The following RABGAP1L variants were observed in gnomAD, a reference collection of about 807,000 sequenced individuals.
RABGAP1L encodes rab GTPase-activating protein 1-like.
Under a neutral mutation model 137.7 loss-of-function variants are expected in RABGAP1L, and 63 were observed. The ratio of observed to expected loss-of-function variants is 0.46; its 90% CI spans 0.37 to 0.56. The LOEUF (loss-of-function observed/expected upper bound fraction) is 0.56, where lower values mean the gene tolerates loss of function less well. RABGAP1L is among the 20% of genes least tolerant of loss of function. RABGAP1L has a pLI of 0.00. For missense variants in RABGAP1L, 1,095 were observed against 1,244.0 expected, an observed-to-expected ratio of 0.88 and a Z score of 1.80; for synonymous variants, 431 against 433.7, an observed-to-expected ratio of 0.99 and a Z score of 0.08.
At chr1:174,295,917 A>G (rs1238719403) in intron 10 of RABGAP1L, among the ~76,000 whole-genome samples, 1 of 152,180 alleles carries the variant, frequency 6.6e-6, no homozygotes, top group Non-Finnish European at 1.5e-5. Context: ...TAAAGATTTA[A>G]AAAGTGGTCA....
At position 174,933,119 on chromosome 1, in the gene RABGAP1L, TATAC is replaced by T. The variant is rs760968397; in HGVS notation, c.2341-24316_2341-24313del. ...GCATACATACATACATACATACATTTATACATACATACATACATACATACAAACA... is the reference window on the plus strand; with the variant it reads ...GCATACATACATACATACATACATTTATACATACATACATACATACAAACA... On this transcript the variant is annotated intron_variant, in intron 19 of 25. Coordinates refer to ENST00000681986, the MANE Select transcript of RABGAP1L (RefSeq NM_001366446.1). Among the ~76,000 whole-genome samples the T allele has an allele frequency of 9.7e-4, 148 of 151,858 alleles. 2 individuals carry two copies. The highest frequency in any genetic ancestry group is 2.0e-3 in the Admixed American group (30 of 15,240).
chr1:174,195,684 C>G (rs1667565567), intron 1 of RABGAP1L, among the ~76,000 whole-genome samples: 1 of 84,504 alleles, frequency 1.2e-5, no homozygotes, highest in South Asian at 4.3e-4. Flanking sequence ...TTCTTTCCTT[C>G]TTTCCTTCTT....
At chr1:174,791,900 G>A (rs1471825360) in intron 18 of RABGAP1L, among the ~76,000 whole-genome samples, 3 of 152,152 alleles carry the variant, frequency 2.0e-5, no homozygotes, top group Admixed American at 1.3e-4. Flanking sequence ...GCAGACTTGT[G>A]GATACCCCTT....
At chr1:174,650,002 C>T (rs530442197) in intron 14 of RABGAP1L, among the ~76,000 whole-genome samples, 81 of 152,154 alleles carry the variant, frequency 5.3e-4, no homozygotes, top group African/African-American at 1.9e-3. Context: ...TTTTGAGATA[C>T]GTCCCATCAA....
intron 13 of RABGAP1L, among the ~76,000 whole-genome samples, chr1:174,454,790 G>A (rs1485686946): frequency 6.6e-6 from 1 of 151,754 alleles, no homozygotes; most frequent in East Asian, 1.9e-4. Flanking sequence ...ACCTCCTCGT[G>A]TTCTACCCGC....
At chr1:174,505,747 TA>T (rs1381561390) in intron 13 of RABGAP1L, among the ~76,000 whole-genome samples, 3 of 152,064 alleles carry the variant, frequency 2.0e-5, no homozygotes, top group African/African-American at 7.2e-5. Flanking sequence ...TGGATGTTCC[TA>T]AAAAAATTAA....
At chr1:174,885,703 C>T (rs2149100759) in intron 19 of RABGAP1L, among the ~76,000 whole-genome samples, 2 of 152,008 alleles carry the variant, frequency 1.3e-5, no homozygotes, top group African/African-American at 4.8e-5. Flanking sequence ...CGTAGTTGCT[C>T]ACGCCTGTAA....
chr1:174,274,394 G>A (rs151109148), intron 8 of RABGAP1L, among the ~76,000 whole-genome samples: 7 of 152,180 alleles, frequency 4.6e-5, no homozygotes, highest in African/African-American at 1.7e-4. Flanking sequence ...TACCTTTTCT[G>A]TGTTTAGGTA....
intron 19 of RABGAP1L, among the ~76,000 whole-genome samples, chr1:174,915,735 G>A (rs1279058289): frequency 1.3e-5 from 2 of 152,324 alleles, no homozygotes; most frequent in Middle Eastern, 3.4e-3. Flanking sequence ...GATTATAGGC[G>A]TGAGCCACCA....
chr1:174,583,134 G>A (rs1668862621), intron 13 of RABGAP1L, among the ~76,000 whole-genome samples: 1 of 152,138 alleles, frequency 6.6e-6, no homozygotes. Context: ...GTTTTATTCA[G>A]TGAAGATTTC....
At chr1:174,491,711 A>C (rs1163653847) in intron 13 of RABGAP1L, among the ~76,000 whole-genome samples, 1 of 152,136 alleles carries the variant, frequency 6.6e-6, no homozygotes, top group African/African-American at 2.4e-5. Flanking sequence ...AGGTGCCCAG[A>C]GCACTCCATC....
At position 174,347,129 on chromosome 1, in the gene RABGAP1L, C is replaced by T. The variant is rs76605162; in HGVS notation, c.1466-23850C>T. 2.5e-3 allele frequency among the ~76,000 whole-genome samples: 371 copies of T among 151,370 alleles called. 2 individuals are homozygous for T. Among genetic ancestry groups the T allele is most frequent in the African/African-American group, 8.1e-3 (337 of 41,398 alleles). On this transcript the variant is annotated intron_variant, in intron 11 of 25. Coordinates refer to ENST00000681986, the MANE Select transcript of RABGAP1L (RefSeq NM_001366446.1). ...AATAAATTTAATACTTTTTTTTGGCCTAACTGATGACCTATCCTTGTGAAT... is the reference window on the plus strand; with the variant it reads ...AATAAATTTAATACTTTTTTTTGGCTTAACTGATGACCTATCCTTGTGAAT...
chr1:174,683,310 C>T (rs914831507), intron 14 of RABGAP1L, among the ~76,000 whole-genome samples: 6 of 151,826 alleles, frequency 4.0e-5, no homozygotes, highest in Non-Finnish European at 7.4e-5. Flanking sequence ...AAAGATGAAC[C>T]TGGGATAAAG....
chr1:174,220,235 T>C (rs1669647566), intron 2 of RABGAP1L, among the ~76,000 whole-genome samples: 1 of 152,228 alleles, frequency 6.6e-6, no homozygotes, highest in Non-Finnish European at 1.5e-5. Context: ...ATCAGAAATA[T>C]GGTTATGCTG....
Position 174,684,730 on chromosome 1 carries a change from A to G in RABGAP1L, c.1899+1134A>G, listed in dbSNP as rs531208790. On this transcript the variant is annotated intron_variant, in intron 15 of 25. Transcript: ENST00000681986. ...AGTGGCTCACACCTGTAATCCCAAC[A>G]CTTTGGGAGGTTGAGGCAGGAGGAT... 3.3e-5 allele frequency among the ~76,000 whole-genome samples: 5 copies of G among 152,294 alleles called. No individual in the cohort carries two copies. The East Asian group carries it at 9.7e-4, about 29-fold the overall frequency.
intron 13 of RABGAP1L, among the ~76,000 whole-genome samples, chr1:174,499,516 A>G (rs1661063531): frequency 1.3e-5 from 2 of 152,198 alleles, no homozygotes; most frequent in Non-Finnish European, 1.5e-5. Context: ...ATACCTAGAA[A>G]CATGGATTCT....
chr1:174,393,446 A>G lies in RABGAP1L; in HGVS notation c.1560-549A>G, dbSNP rs139304842. ...ACCTGGGAGTCAGGATGTGGCCGCCAGGTAAAACTTGACTATAATATGTAT... is the reference window on the plus strand; with the variant it reads ...ACCTGGGAGTCAGGATGTGGCCGCCGGGTAAAACTTGACTATAATATGTAT... On this transcript the variant is annotated intron_variant, in intron 12 of 25. Coordinates refer to ENST00000681986, the MANE Select transcript of RABGAP1L (RefSeq NM_001366446.1). Among the ~76,000 whole-genome samples, 188 of 152,316 alleles carry G rather than the reference A, an allele frequency of 1.2e-3. 1 individual carries two copies. Among genetic ancestry groups the G allele is most frequent in the African/African-American group, 4.4e-3 (181 of 41,568 alleles).
intron 13 of RABGAP1L, among the ~76,000 whole-genome samples, chr1:174,443,236 C>T (rs1015785141): frequency 6.6e-6 from 1 of 152,048 alleles, no homozygotes; most frequent in Non-Finnish European, 1.5e-5. Flanking sequence ...GATATATACC[C>T]AGCAGTGGGA....
intron 10 of RABGAP1L, among the ~76,000 whole-genome samples, chr1:174,288,596 T>C (rs1275907147): frequency 6.6e-6 from 1 of 152,246 alleles, no homozygotes; most frequent in African/African-American, 2.4e-5. Context: ...GGCTCTTTTG[T>C]ATGTGACAAG....
Sources: gnomAD v4.1 joint callset for allele counts (sites outside exome capture counted in the v4.1 genomes callset) on GRCh38, gnomAD v4.1.1 for gene constraint, MANE v1.5 for transcripts, NCBI Gene and HGNC (gene_info 2026-07-23, HGNC 2026-07-21) for gene names.